SHPRH: variants seen among roughly 807,000 people sequenced by gnomAD.
SHPRH encodes the protein SNF2 histone linker PHD RING helicase, also known as E3 ubiquitin-protein ligase SHPRH.
In SHPRH, 106 loss-of-function variants were observed where a neutral mutation model predicts 202.5. The ratio of observed to expected loss-of-function variants is 0.52; its 90% CI spans 0.45 to 0.62. The LOEUF (loss-of-function observed/expected upper bound fraction) is 0.62. Ranked by LOEUF, SHPRH falls within the 20% of genes least tolerant of loss-of-function variation. SHPRH has a pLI of 0.00. For missense variants in SHPRH, 1,710 were observed against 2,020.0 expected, an observed-to-expected ratio of 0.85 and a Z score of 2.94; for synonymous variants, 729 against 686.0, an observed-to-expected ratio of 1.06 and a Z score of -0.98.
At chr6:145,928,446 G>C (rs1785099123) in intron 14 of SHPRH, among the ~76,000 whole-genome samples, 1 of 151,490 alleles carries the variant, frequency 6.6e-6, no homozygotes. Context: ...TTTTTCCTAA[G>C]TATCACACAT....
In SHPRH at chr6:145,897,265, C is replaced by T. The variant is rs117920697; in HGVS notation, c.4516-2288G>A. On this transcript the variant is annotated intron_variant, in intron 25 of 29. Coordinates refer to ENST00000275233, the MANE Select transcript of SHPRH (RefSeq NM_001042683.3). ...ATCATGAGACTTATGAACAACTATA[C>T]GCCAAGAAATCAGAAAATCTAGAAG... is the stretch of plus-strand genomic sequence containing the variant. Among the ~76,000 whole-genome samples the T allele has an allele frequency of 4.3e-3, 654 of 151,914 alleles. 18 individuals are homozygous for T. The East Asian group carries it at 0.072, about 17-fold the overall frequency.
chr6:145,943,702 T>A lies in SHPRH; in HGVS notation c.1679A>T (p.Asp560Val). Residue 560 changes from aspartate to valine, a missense_variant, in exon 9 of 30, where the codon GAT (aspartate) becomes GTT (valine). Transcript: ENST00000275233. ...CTTATAATAATAATAGTAAGGATCA[T>A]CATCATCATCAGAGGTGTCTGATGG... ...YLPSDTSDDD[D>V]DPYYYYYKSR... 6.2e-7 allele frequency: 1 copy of A among 1,613,806 alleles called. No homozygotes were observed. Among genetic ancestry groups the A allele is most frequent in the Non-Finnish European group, 8.5e-7 (1 of 1,179,848 alleles).
At chr6:145,930,292 T>C (rs1421521360) in intron 14 of SHPRH, among the ~76,000 whole-genome samples, 1 of 152,178 alleles carries the variant, frequency 6.6e-6, no homozygotes, top group African/African-American at 2.4e-5. Flanking sequence ...AACTGATTTC[T>C]TTGTACTTCA....
intron 3 of SHPRH, among the ~76,000 whole-genome samples, chr6:145,950,881 A>G (rs945497611): frequency 3.3e-5 from 5 of 151,972 alleles, no homozygotes; most frequent in Non-Finnish European, 7.4e-5. Flanking sequence ...TGTATTGTCT[A>G]TTGTGGATGT....
intron 10 of SHPRH, 25 bp downstream of exon 10, chr6:145,941,598 C>G: frequency 6.2e-7 from 1 of 1,611,072 alleles, no homozygotes; most frequent in Non-Finnish European, 8.5e-7. Context: ...CCCCAGCCCT[C>G]AAAAGATTTT....
At chr6:145,895,552 C>G (rs1204822508) in intron 25 of SHPRH, among the ~76,000 whole-genome samples, 1 of 144,030 alleles carries the variant, frequency 6.9e-6, no homozygotes, top group African/African-American at 2.5e-5. Context: ...TTTTTTTTTG[C>G]ATCTTCCATA....
At position 145,941,764 on chromosome 6, in the gene SHPRH, A is replaced by G; in HGVS notation, c.2349T>C (p.Asp783=). The G allele has an allele frequency of 6.2e-7, 1 of 1,614,070 alleles. No individual in the cohort carries two copies. Among genetic ancestry groups the G allele is most frequent in the Non-Finnish European group, 8.5e-7 (1 of 1,179,980 alleles). Residue 783 remains aspartate (D), a synonymous_variant, in exon 10 of 30, where the codon GAT becomes GAC. Coordinates refer to ENST00000275233, the MANE Select transcript of SHPRH (RefSeq NM_001042683.3). ...CATCCTCACTATTGCTATGTGGGAT[A>G]TCGACATAATTTAATTCTGAACGCA... ...DVLRSELNYV[D]IPHSNSEDGR... is the part of the protein sequence containing the mutation.
intron 23 of SHPRH, chr6:145,917,763 A>C (rs1361558570): frequency 6.3e-6 from 1 of 158,896 alleles, no homozygotes; most frequent in Non-Finnish European, 1.4e-5. Context: ...AACACACTTC[A>C]GTTTCAAATA....
At chr6:145,926,623 T>C (rs926372727) in intron 15 of SHPRH, among the ~76,000 whole-genome samples, 1 of 151,922 alleles carries the variant, frequency 6.6e-6, no homozygotes, top group African/African-American at 2.4e-5. Context: ...AAGGTCAATA[T>C]TGTGAATGGT....
intron 2 of SHPRH, chr6:145,877,930 T>C (rs1400261764): frequency 6.6e-6 from 1 of 152,228 alleles, no homozygotes; most frequent in Non-Finnish European, 1.5e-5. Flanking sequence ...TTCTTAAATG[T>C]ATTTGATTGA....
chr6:145,920,325 T>C (rs1032021352), intron 21 of SHPRH, among the ~76,000 whole-genome samples: 12 of 152,198 alleles, frequency 7.9e-5, no homozygotes, highest in African/African-American at 2.9e-4. Flanking sequence ...CAGGGGCAAC[T>C]GAACATCATA....
At chr6:145,873,733 G>C (rs1780169157) in intron 2 of SHPRH, among the ~76,000 whole-genome samples, 1 of 133,264 alleles carries the variant, frequency 7.5e-6, no homozygotes, top group Admixed American at 7.6e-5. Context: ...GGGAGGGAGG[G>C]AGGGAGGGAG....
chr6:145,874,513 T>G (rs894427253), intron 2 of SHPRH, among the ~76,000 whole-genome samples: 2 of 152,172 alleles, frequency 1.3e-5, no homozygotes. Context: ...ATACAAAAAT[T>G]GTACATATTT....
intron 14 of SHPRH, among the ~76,000 whole-genome samples, chr6:145,928,550 A>G (rs935335143): frequency 9.2e-5 from 14 of 152,000 alleles, no homozygotes; most frequent in African/African-American, 2.9e-4. Context: ...ATATATATGC[A>G]AACCTTTGTA....
At chr6:145,870,559 G>C (rs969289798) in intron 2 of SHPRH, among the ~76,000 whole-genome samples, 5 of 152,176 alleles carry the variant, frequency 3.3e-5, no homozygotes, top group African/African-American at 1.2e-4. Flanking sequence ...ACTGCGCCTG[G>C]CCTCAGATTT....
At chr6:145,873,013 A>G (rs142687677) in intron 2 of SHPRH, among the ~76,000 whole-genome samples, 33 of 152,310 alleles carry the variant, frequency 2.2e-4, no homozygotes, top group South Asian at 1.7e-3. Context: ...GCGGGGAACA[A>G]CACACACTAG....
At chr6:145,883,344 T>G (rs1415945309), downstream of SHPRH, 1 of 152,186 alleles carries the variant, frequency 6.6e-6, no homozygotes, top group Non-Finnish European at 1.5e-5. Context: ...GAAGATGAGC[T>G]ATACATGCCC....
intron 28 of SHPRH, among the ~76,000 whole-genome samples, chr6:145,891,613 A>T (rs1350243252): frequency 6.6e-6 from 1 of 152,174 alleles, no homozygotes; most frequent in Non-Finnish European, 1.5e-5. Flanking sequence ...ATCTACCAAA[A>T]AGTATGTGAG....
chr6:145,869,321 A>C (rs1380035931), intron 2 of SHPRH, among the ~76,000 whole-genome samples: 1 of 152,178 alleles, frequency 6.6e-6, no homozygotes, highest in African/African-American at 2.4e-5. Context: ...TGACAGTGGC[A>C]TTTGCAGAGC....
Sources: gnomAD v4.1 joint callset for allele counts (sites outside exome capture counted in the v4.1 genomes callset) on GRCh38, gnomAD v4.1.1 for gene constraint, MANE v1.5 for transcripts, NCBI Gene and HGNC (gene_info 2026-07-23, HGNC 2026-07-21) for gene names.